The following BARX2 variants were observed in gnomAD, a reference collection of about 807,000 sequenced individuals.
BARX2 encodes the protein homeobox protein BarH-like 2.
Under a neutral mutation model 25.5 loss-of-function variants are expected in BARX2, and 11 were observed. The ratio of observed to expected loss-of-function variants is 0.43; its 90% CI spans 0.27 to 0.71. BARX2 has a LOEUF of 0.71. Among genes scored for constraint, BARX2 ranks in the 30% least tolerant of loss-of-function variants. The pLI, the probability that BARX2 is intolerant of heterozygous loss-of-function variation, is 0.19. For missense variants in BARX2, 360 were observed against 359.9 expected (o/e 1.00, Z 0.00); for synonymous variants, 137 against 149.5 (o/e 0.92, Z 0.61).
rs1312674630 is a variant in BARX2, at chr11:129,405,483, A to G, written c.187+29261A>G. Among the ~76,000 whole-genome samples, 3 of 152,022 alleles carry G rather than the reference A, an allele frequency of 2.0e-5. No individual in the cohort carries two copies. The East Asian group carries it at 5.8e-4, about 29-fold the overall frequency. On this transcript the variant is annotated intron_variant, in intron 1 of 3. Transcript: ENST00000281437. ...CCTTACCTCTGATTAGTCTTTATAA[A>G]CTATAGTTCTTTTTTGTTTATTTCT...
At chr11:129,391,827 C>G (rs1369195989) in intron 1 of BARX2, among the ~76,000 whole-genome samples, 1 of 152,178 alleles carries the variant, frequency 6.6e-6, no homozygotes, top group South Asian at 2.1e-4. Context: ...CAGCCCCGAC[C>G]GGTTTTCCCA....
chr11:129,390,119 A>G lies in BARX2; in HGVS notation c.187+13897A>G, dbSNP rs1439908183. On this transcript the variant is annotated intron_variant, in intron 1 of 3. Transcript: ENST00000281437. The surrounding 1 kb of genome is among the most constrained non-coding windows in gnomAD (Gnocchi z 4.3). ...GATGAATCCCCTCCACGGTGTGAGA[A>G]GAATTCTCTTGATGAGGAGTTCTCA... Among the ~76,000 whole-genome samples the G allele has an allele frequency of 6.6e-6, 1 of 152,208 alleles. No individual in the cohort carries two copies. The highest frequency in any genetic ancestry group is 1.5e-5 in the Non-Finnish European group (1 of 68,034).
chr11:129,383,747 G>A (rs752731385), intron 1 of BARX2, among the ~76,000 whole-genome samples: 3 of 152,120 alleles, frequency 2.0e-5, no homozygotes, highest in South Asian at 2.1e-4. Flanking sequence ...AACTAACTAC[G>A]TTCCATGTAC....
Position 129,390,487 on chromosome 11 carries a change from G to A in BARX2, c.187+14265G>A, listed in dbSNP as rs915408969. ...GGATTCAGAAAAACAAAATGCATAT[G>A]TTTGTGTTCCAGTAGGAGGGGAGTA... On this transcript the variant is annotated intron_variant, in intron 1 of 3. Transcript: ENST00000281437. This position sits in a 1 kb window ranked among gnomAD's most constrained non-coding sequence, Gnocchi z 4.3. Among the ~76,000 whole-genome samples, 1 of 152,104 alleles carries A rather than the reference G, an allele frequency of 6.6e-6. No homozygotes were observed. Among genetic ancestry groups the A allele is most frequent in the Admixed American group, 6.5e-5 (1 of 15,270 alleles).
intron 1 of BARX2, among the ~76,000 whole-genome samples, chr11:129,395,083 G>A (rs1397823831): frequency 2.0e-5 from 3 of 152,094 alleles, no homozygotes; most frequent in African/African-American, 7.2e-5. Context: ...TAAATTAGAA[G>A]CCACAAGTTG....
At chr11:129,410,339 G>A (rs1438639121) in intron 1 of BARX2, among the ~76,000 whole-genome samples, 1 of 152,014 alleles carries the variant, frequency 6.6e-6, no homozygotes, top group African/African-American at 2.4e-5. Context: ...ACTATTTCCT[G>A]GATACAGTAT....
intron 1 of BARX2, among the ~76,000 whole-genome samples, chr11:129,382,443 T>C (rs1342898227): frequency 6.6e-6 from 1 of 152,204 alleles, no homozygotes. Flanking sequence ...CCTCCTGAAG[T>C]GCTGGGATTA....
chr11:129,418,987 C>T (rs1401903329), intron 1 of BARX2, among the ~76,000 whole-genome samples: 1 of 152,208 alleles, frequency 6.6e-6, no homozygotes, highest in African/African-American at 2.4e-5. Flanking sequence ...TCCATGTCTG[C>T]GTGGGTTTTC....
intron 1 of BARX2, among the ~76,000 whole-genome samples, chr11:129,380,943 A>G (rs961600308): frequency 2.6e-5 from 4 of 151,854 alleles, no homozygotes; most frequent in African/African-American, 9.7e-5. Flanking sequence ...CACCCAGCTA[A>G]TTTTTGTATT....
In BARX2 at chr11:129,451,334, A is replaced by G. The variant is rs765333697; in HGVS notation, c.772A>G (p.Met258Val). 4 of 1,614,024 alleles carry G rather than the reference A, an allele frequency of 2.5e-6. No individual in the cohort carries two copies. The South Asian group carries it at 4.4e-5, about 18-fold the overall frequency. Residue 258 changes from methionine to valine, a missense_variant, in exon 4 of 4, where the codon ATG becomes GTG. Transcript: ENST00000281437. ...GAAAGCACGTGATGTCCCCTTAGAG[A>G]TGGCAGAGCCACCAGACCCGCCCCA... ...EPKARDVPLE[M>V]AEPPDPPQEL...
intron 1 of BARX2, among the ~76,000 whole-genome samples, chr11:129,432,779 A>C (rs191371385): frequency 1.3e-5 from 2 of 152,100 alleles, no homozygotes; most frequent in Non-Finnish European, 2.9e-5. Flanking sequence ...AAAAAATTTT[A>C]AAAAAAAGAT....
Position 129,403,451 on chromosome 11 carries a change from C to T in BARX2, c.187+27229C>T, listed in dbSNP as rs574083791. 3.9e-5 allele frequency among the ~76,000 whole-genome samples: 6 copies of T among 152,242 alleles called. 2 individuals carry two copies. The highest frequency in any genetic ancestry group is 1.4e-4 in the African/African-American group (6 of 41,544). ...GGAGAGGCAGCCTTTACTCTTGCACCACCATTTTCCAACATACCGTAGGCC... is the reference window on the plus strand; with the variant it reads ...GGAGAGGCAGCCTTTACTCTTGCACTACCATTTTCCAACATACCGTAGGCC... On this transcript the variant is annotated intron_variant, in intron 1 of 3. Transcript: ENST00000281437.
At chr11:129,397,613 G>T (rs953744180) in intron 1 of BARX2, among the ~76,000 whole-genome samples, 10 of 152,162 alleles carry the variant, frequency 6.6e-5, no homozygotes, top group African/African-American at 2.4e-4. Context: ...GACCATTTAC[G>T]CACCAGGCGC....
chr11:129,446,403 T>C (rs1862329605), intron 3 of BARX2, among the ~76,000 whole-genome samples: 1 of 152,176 alleles, frequency 6.6e-6, no homozygotes, highest in Non-Finnish European at 1.5e-5. Context: ...CTTGGGCAGG[T>C]TACTTAACCT....
chr11:129,375,479 G>A (rs1318389854), upstream of BARX2, among the ~76,000 whole-genome samples: 1 of 152,142 alleles, frequency 6.6e-6, no homozygotes, highest in Non-Finnish European at 1.5e-5. The surrounding 1 kb of genome is among the most constrained non-coding windows in gnomAD (Gnocchi z 4.0). Flanking sequence ...GTGCTCATGG[G>A]GAACACTGCC....
At chr11:129,403,533 G>A (rs1430114867) in intron 1 of BARX2, among the ~76,000 whole-genome samples, 2 of 152,084 alleles carry the variant, frequency 1.3e-5, no homozygotes, top group East Asian at 3.9e-4. Flanking sequence ...GTGGTGCCCC[G>A]CTTCCCCTTA....
rs1862401884 is a variant in BARX2, at chr11:129,451,546, A to G, written c.*144A>G. 1.0e-6 allele frequency: 1 copy of G among 962,932 alleles called. No individual in the cohort carries two copies. The highest frequency in any genetic ancestry group is 1.5e-6 in the Non-Finnish European group (1 of 661,022). 59.6% of individuals were successfully genotyped at this position (962,932 alleles called of 1,614,324 possible). A position where few individuals can be genotyped will look rare whatever the true frequency, so the allele number is the denominator to read the frequency against. ...CGTCTCCCTCCCTCCCACAGTTACC[A>G]TTGGCCTTGTCATCGCAAGCATTTG... On this transcript the variant is annotated 3_prime_UTR_variant, in exon 4 of 4. Coordinates refer to ENST00000281437, the MANE Select transcript of BARX2 (RefSeq NM_003658.5).
At chr11:129,432,043 T>A (rs977967351) in intron 1 of BARX2, among the ~76,000 whole-genome samples, 2 of 151,310 alleles carry the variant, frequency 1.3e-5, no homozygotes, top group Non-Finnish European at 3.0e-5. Context: ...TCCAGCACCA[T>A]TTTTTTAAGC....
At position 129,433,520 on chromosome 11, in the gene BARX2, G is replaced by A. The variant is rs111382843; in HGVS notation, c.188-3231G>A. On this transcript the variant is annotated intron_variant, in intron 1 of 3. Coordinates refer to ENST00000281437, the MANE Select transcript of BARX2 (RefSeq NM_003658.5). ...CTGACCTACAGGGCCCTGCGTAATC[G>A]GGCTCCAACAGATCTCTTCCCAGTT... is the stretch of plus-strand genomic sequence containing the variant. Among the ~76,000 whole-genome samples the A allele has an allele frequency of 3.2e-4, 49 of 152,102 alleles. No homozygotes were observed. In the South Asian group the frequency reaches 4.0e-3, roughly 12 times the overall value.
Sources: allele counts gnomAD v4.1 joint callset (sites outside exome capture counted in the v4.1 genomes callset), GRCh38; gene constraint gnomAD v4.1.1; non-coding constraint Gnocchi (gnomAD v3.1); transcripts MANE v1.5; gene names NCBI Gene and HGNC (gene_info 2026-07-23, HGNC 2026-07-21).